MYH9: variants seen among roughly 807,000 people sequenced by gnomAD.
MYH9 encodes myosin heavy chain 9, also known as myosin-9.
Under a neutral mutation model 241.9 loss-of-function variants are expected in MYH9, and 29 were observed. That is an observed-to-expected ratio of 0.12 (90% CI 0.09 to 0.16). The LOEUF (loss-of-function observed/expected upper bound fraction) is 0.16, where lower values mean the gene tolerates loss of function less well. MYH9 is among the 10% of genes least tolerant of loss of function. The probability of loss-of-function intolerance (pLI) is 1.00; values close to 1 mark genes in which losing one functional copy is unlikely to be tolerated. For missense variants in MYH9, 1,803 were observed against 2,595.5 expected, an observed-to-expected ratio of 0.69 and a Z score of 6.63; for synonymous variants, 1,047 against 1,062.6, an observed-to-expected ratio of 0.99 and a Z score of 0.29.
intron 11 of MYH9, 120 bp from the exon 12 acceptor site, chr22:36,316,789 T>TG (rs1489483566): frequency 8.6e-7 from 1 of 1,162,214 alleles, no homozygotes. Context: ...CCTAAGTATG[T>TG]GGGGGAAAAA....
intron 1 of MYH9, among the ~76,000 whole-genome samples, chr22:36,351,870 C>A (rs894485196): frequency 6.6e-6 from 1 of 152,102 alleles, no homozygotes; most frequent in Non-Finnish European, 1.5e-5. Context: ...GTGCCCCTCA[C>A]GAGACTCCTA....
chr22:36,286,695 C>T, intron 35 of MYH9, 23 bp downstream of exon 35: 1 of 1,610,372 alleles, frequency 6.2e-7, no homozygotes, highest in South Asian at 1.1e-5. Flanking sequence ...AGCGGTGCCG[C>T]TCTCCATTGC....
chr22:36,371,546 T>G (rs2018090275), intron 1 of MYH9, among the ~76,000 whole-genome samples: 1 of 152,114 alleles, frequency 6.6e-6, no homozygotes, highest in Admixed American at 6.5e-5. Flanking sequence ...ATTCGTATTT[T>G]TATTTTGAGA....
intron 31 of MYH9, 66 bp downstream of exon 31, chr22:36,291,920 C>A (rs548185340): frequency 6.2e-7 from 1 of 1,610,602 alleles, no homozygotes; most frequent in South Asian, 1.1e-5. Context: ...CTCTGATGGG[C>A]CCTTTGCTTT....
Position 36,294,164 on chromosome 22 carries a change from C to T in MYH9, c.3765G>A (p.Gln1255=). The T allele has an allele frequency of 1.9e-6, 3 of 1,613,546 alleles. No homozygotes were observed. The highest frequency in any genetic ancestry group is 2.5e-6 in the Non-Finnish European group (3 of 1,180,038). Residue 1255 remains glutamine (Q), a synonymous_variant, in exon 28 of 41, where the codon CAG becomes CAA. Coordinates refer to ENST00000216181, the MANE Select transcript of MYH9 (RefSeq NM_002473.6). ...HKRKKVEAQL[Q]ELQVKFNEGE... ...CCTCGTTGAACTTGACCTGCAGCTC[C>T]TGCAGCTGCGCCTCCACTTTCTTGC...
intron 3 of MYH9, among the ~76,000 whole-genome samples, chr22:36,332,190 G>A (rs1052618280): frequency 1.2e-4 from 19 of 152,186 alleles, no homozygotes; most frequent in Non-Finnish European, 2.1e-4. Flanking sequence ...GCAAAGAAAG[G>A]GCCGCGACAC....
intron 1 of MYH9, among the ~76,000 whole-genome samples, chr22:36,381,969 A>T (rs748728568): frequency 6.6e-6 from 1 of 152,114 alleles, no homozygotes; most frequent in Non-Finnish European, 1.5e-5. Context: ...ATACTGCCAA[A>T]CAACTTTCTT....
Position 36,288,509 on chromosome 22 carries a change from T to C in MYH9, c.4771-96A>G, listed in dbSNP as rs2016628401. 1 of 1,525,990 alleles carries C rather than the reference T, an allele frequency of 6.6e-7. No homozygotes were observed. Among genetic ancestry groups the C allele is most frequent in the South Asian group, 1.1e-5 (1 of 88,970 alleles). The allele number at this position is 1,525,990 out of a possible 1,614,324, so 94.5% of individuals were successfully genotyped here. A position where few individuals can be genotyped will look rare whatever the true frequency, so the allele number is the denominator to read the frequency against. On this transcript the variant is annotated intron_variant, in intron 33 of 40. Transcript: ENST00000216181. The surrounding 1 kb of genome is among the most constrained non-coding windows in gnomAD (Gnocchi z 4.8). ...GGAGCCTCAGGCCAGTTCTGCAGGA[T>C]CCATGGGGCCTCGGGAAACCAGTGG...
intron 3 of MYH9, among the ~76,000 whole-genome samples, chr22:36,334,039 C>T (rs1228870642): frequency 6.6e-6 from 1 of 152,072 alleles, no homozygotes; most frequent in African/African-American, 2.4e-5. Flanking sequence ...TTTTTATCTC[C>T]CGCTCAGTGG....
chr22:36,297,149 G>A (rs1332164538), intron 24 of MYH9, 135 bp from the exon 25 acceptor site: 4 of 978,368 alleles, frequency 4.1e-6, no homozygotes, highest in Non-Finnish European at 6.2e-6. Context: ...ACAGACACTC[G>A]CACCCAACTC....
Position 36,319,912 on chromosome 22 carries a change from T to C in MYH9, c.1013-277A>G, listed in dbSNP as rs1025092677. On this transcript the variant is annotated intron_variant, in intron 9 of 40. Coordinates refer to ENST00000216181, the MANE Select transcript of MYH9 (RefSeq NM_002473.6). ...AAGCACCCATCTATCCCCAGCTTCT[T>C]CCACACTCCCCGAGACAGGACGTGA... 2.4e-4 allele frequency: 145 copies of C among 609,726 alleles called. 1 individual carries two copies. The highest frequency in any genetic ancestry group is 8.8e-4 in the Middle Eastern group (2 of 2,274). The allele number at this position is 609,726 out of a possible 1,614,324, so 37.8% of individuals were successfully genotyped here. A position where few individuals can be genotyped will look rare whatever the true frequency, so the allele number is the denominator to read the frequency against.
chr22:36,289,401 T>A, intron 31 of MYH9, 104 bp from the exon 32 acceptor site: 1 of 1,082,980 alleles, frequency 9.2e-7, no homozygotes, highest in Non-Finnish European at 1.4e-6. Flanking sequence ...GAGGCCACGG[T>A]GGAGAGGAGC....
At chr22:36,352,921 C>T (rs762378911) in intron 1 of MYH9, among the ~76,000 whole-genome samples, 8 of 152,102 alleles carry the variant, frequency 5.3e-5, no homozygotes, top group South Asian at 2.1e-4. Flanking sequence ...GGGTGAGCAG[C>T]GGCGCCAAGA....
rs115693224 is a variant in MYH9 at position 36,330,358 on chromosome 22, G to A, written c.491-2870C>T. Among the ~76,000 whole-genome samples, 292 of 152,322 alleles carry A rather than the reference G, an allele frequency of 1.9e-3. No homozygotes were observed. The highest frequency in any genetic ancestry group is 6.5e-3 in the African/African-American group (272 of 41,564). On this transcript the variant is annotated intron_variant, in intron 3 of 40. Transcript: ENST00000216181. This position sits in a 1 kb window ranked among gnomAD's most constrained non-coding sequence, Gnocchi z 4.5. ...CCACCGGCCGGATGCACCACGAATC[G>A]TACCATGGCCCCATGCAACCGAAAA...
rs180732998 is a variant in MYH9, at chr22:36,292,749, T to G, written c.4096-515A>C. On this transcript the variant is annotated intron_variant, in intron 30 of 40. Coordinates refer to ENST00000216181, the MANE Select transcript of MYH9 (RefSeq NM_002473.6). ...ATCTAGAGCAGGGGCTCTGAAACCA[T>G]ATTAGGCTACGGACCCCTTCGCAGT... Among the ~76,000 whole-genome samples, 599 of 152,298 alleles carry G rather than the reference T, an allele frequency of 3.9e-3. 2 individuals carry two copies. The highest frequency in any genetic ancestry group is 0.013 in the African/African-American group (555 of 41,566).
At position 36,334,032 on chromosome 22, in the gene MYH9, T is replaced by C. The variant is rs5995283; in HGVS notation, c.491-6544A>G. 5.2e-3 allele frequency among the ~76,000 whole-genome samples: 796 copies of C among 152,214 alleles called. 11 individuals are homozygous for C. The highest frequency in any genetic ancestry group is 0.018 in the African/African-American group (740 of 41,518). On this transcript the variant is annotated intron_variant, in intron 3 of 40. Coordinates refer to ENST00000216181, the MANE Select transcript of MYH9 (RefSeq NM_002473.6). ...CAGGTTCTAAGAGGCCACTTCCTTT[T>C]TATCTCCCGCTCAGTGGGCCCAGAG...
intron 23 of MYH9, 75 bp from the exon 24 acceptor site, chr22:36,299,117 G>T: frequency 6.2e-7 from 1 of 1,600,058 alleles, no homozygotes. Context: ...AGCATGACTC[G>T]CCCGGAAATC....
intron 14 of MYH9, among the ~76,000 whole-genome samples, chr22:36,309,603 C>A (rs2017028722): frequency 6.6e-6 from 1 of 152,184 alleles, no homozygotes; most frequent in Non-Finnish European, 1.5e-5. Context: ...CGTGCAGAGC[C>A]AAAGCCTCAA....
At position 36,293,490 on chromosome 22, in the gene MYH9, G is replaced by A. The variant is rs771150462; in HGVS notation, c.3943-9C>T. 25 of 1,612,234 alleles carry A rather than the reference G, an allele frequency of 1.6e-5. No individual in the cohort carries two copies. Among genetic ancestry groups the A allele is most frequent in the East Asian group, 2.2e-5 (1 of 44,880 alleles). On this transcript the variant is annotated splice_polypyrimidine_tract_variant and intron_variant, in intron 29 of 40. Coordinates refer to ENST00000216181, the MANE Select transcript of MYH9 (RefSeq NM_002473.6). This position sits in a 1 kb window ranked among gnomAD's most constrained non-coding sequence, Gnocchi z 5.1. ...TCCTCCTGCAGCAGCTCCTACTCGC[G>A]GGTTGAGAGGGGTGCGGGTGCTTAG...
Sources: allele counts gnomAD v4.1 joint callset (sites outside exome capture counted in the v4.1 genomes callset), GRCh38; gene constraint gnomAD v4.1.1; non-coding constraint Gnocchi (gnomAD v3.1); transcripts MANE v1.5; gene names NCBI Gene and HGNC (gene_info 2026-07-23, HGNC 2026-07-21).